ASB5: variants seen among roughly 807,000 people sequenced by gnomAD.
ASB5 encodes the protein ankyrin repeat and SOCS box containing 5.
A neutral mutation model predicts 42.1 loss-of-function variants in ASB5; 45 were observed. The ratio of observed to expected loss-of-function variants is 1.07; its 90% CI spans 0.84 to 1.37. The LOEUF is 1.37. Ranked by LOEUF, ASB5 falls within the 40% of genes most tolerant of loss-of-function variation. The pLI is 0.00. For missense variants in ASB5, 402 were observed against 399.8 expected (o/e 1.01, Z -0.05); for synonymous variants, 147 against 150.6 (o/e 0.98, Z 0.18).
chr4:176,261,883 A>G (rs1208774529), intron 1 of ASB5, among the ~76,000 whole-genome samples: 2 of 151,666 alleles, frequency 1.3e-5, no homozygotes, highest in Non-Finnish European at 2.9e-5. Flanking sequence ...TATATAATAC[A>G]GAAATTATAT....
upstream of ASB5, among the ~76,000 whole-genome samples, chr4:176,270,428 AT>A (rs1553964246): frequency 6.6e-6 from 1 of 152,168 alleles, no homozygotes; most frequent in Non-Finnish European, 1.5e-5. Context: ...GACTGGACAG[AT>A]TTACCTGACA....
intron 1 of ASB5, among the ~76,000 whole-genome samples, chr4:176,234,329 C>T (rs1753629673): frequency 6.6e-6 from 1 of 152,190 alleles, no homozygotes; most frequent in Non-Finnish European, 1.5e-5. Flanking sequence ...ACATACTGGC[C>T]TCCTTGCTTT....
chr4:176,249,127 C>T (rs1333919886), intron 1 of ASB5, among the ~76,000 whole-genome samples: 1 of 152,050 alleles, frequency 6.6e-6, no homozygotes, highest in Non-Finnish European at 1.5e-5. Flanking sequence ...CCACCACACC[C>T]GACTAATTTT....
intron 1 of ASB5, chr4:176,249,683 G>A (rs1054803363): frequency 2.6e-5 from 4 of 152,184 alleles, no homozygotes; most frequent in African/African-American, 7.2e-5. Context: ...GAGAGGATGA[G>A]AAAACATGGA....
chr4:176,235,409 C>A (rs1194772646), intron 1 of ASB5, among the ~76,000 whole-genome samples: 1 of 151,972 alleles, frequency 6.6e-6, no homozygotes, highest in East Asian at 1.9e-4. Flanking sequence ...ATTTTTTAAT[C>A]AAGATACAAT....
chr4:176,222,452 A>T, intron 2 of ASB5, 32 bp from the exon 3 acceptor site: 12 of 1,542,038 alleles, frequency 7.8e-6, no homozygotes, highest in Non-Finnish European at 9.9e-6. Context: ...AAGGTGAGCA[A>T]AGAGTTATAT....
At chr4:176,238,571 A>G (rs1433873821) in intron 1 of ASB5, among the ~76,000 whole-genome samples, 1 of 152,192 alleles carries the variant, frequency 6.6e-6, no homozygotes, top group Non-Finnish European at 1.5e-5. Flanking sequence ...CCAAGGATTA[A>G]CTGAGCTGGT....
At chr4:176,231,068 GGAGA>G (rs1249037439) in intron 1 of ASB5, among the ~76,000 whole-genome samples, 2 of 152,102 alleles carry the variant, frequency 1.3e-5, no homozygotes, top group African/African-American at 4.8e-5. Flanking sequence ...TAATTTACAG[GGAGA>G]GAGCCTGCCC....
At chr4:176,262,078 G>A (rs763911039) in intron 1 of ASB5, among the ~76,000 whole-genome samples, 7 of 151,876 alleles carry the variant, frequency 4.6e-5, no homozygotes, top group Non-Finnish European at 8.8e-5. Context: ...AGCAGTTATG[G>A]CAATGAATAA....
chr4:176,274,441 G>A (rs780468542), intron 2 of ASB5, among the ~76,000 whole-genome samples: 2 of 152,134 alleles, frequency 1.3e-5, no homozygotes, highest in African/African-American at 2.4e-5. Flanking sequence ...TATCCCTTCT[G>A]TACAACAGAT....
At chr4:176,230,396 G>A (rs1753505038) in intron 1 of ASB5, among the ~76,000 whole-genome samples, 1 of 152,096 alleles carries the variant, frequency 6.6e-6, no homozygotes. Flanking sequence ...AACAACTGCT[G>A]TTATATTTTT....
chr4:176,229,608 G>A (rs1325062204), intron 1 of ASB5, among the ~76,000 whole-genome samples: 5 of 151,866 alleles, frequency 3.3e-5, no homozygotes, highest in East Asian at 3.9e-4. Context: ...CCAGGCTGTC[G>A]CTTAGCTTTC....
intron 6 of ASB5, among the ~76,000 whole-genome samples, chr4:176,216,581 C>G (rs1048136419): frequency 3.9e-5 from 6 of 152,132 alleles, no homozygotes; most frequent in Admixed American, 3.9e-4. Flanking sequence ...GATCTCTTGA[C>G]CTTGTGATCC....
chr4:176,235,186 G>A (rs756718383), intron 1 of ASB5, among the ~76,000 whole-genome samples: 13 of 152,128 alleles, frequency 8.5e-5, no homozygotes, highest in Non-Finnish European at 1.5e-4. Flanking sequence ...GTGGAATTGT[G>A]TTTTCTACAT....
At position 176,255,811 on chromosome 4, in the gene ASB5, T is replaced by C. The variant is rs772691142; in HGVS notation, c.196+13102A>G. Among the ~76,000 whole-genome samples, 110 of 152,284 alleles carry C rather than the reference T, an allele frequency of 7.2e-4. 1 individual carries two copies. The highest frequency in any genetic ancestry group is 3.4e-3 in the Middle Eastern group (1 of 294). ...AATTGTAACCCAAACCTCAGCATCA[T>C]ACAACATACCCAGGTAACAAACCTG... On this transcript the variant is annotated intron_variant, in intron 1 of 6. Transcript: ENST00000296525.
chr4:176,270,059 T>C (rs546403573), upstream of ASB5, among the ~76,000 whole-genome samples: 1 of 152,314 alleles, frequency 6.6e-6, no homozygotes, highest in South Asian at 2.1e-4. Context: ...ATGAAATGCA[T>C]CTGTATATAG....
intron 1 of ASB5, chr4:176,237,473 TA>T: frequency 1.0e-6 from 1 of 985,900 alleles, no homozygotes; most frequent in South Asian, 4.7e-5. Context: ...GCAAATGCTC[TA>T]GCAAGAAGAA....
rs545520903 is a variant in ASB5, at chr4:176,213,923, G to C, written c.*1677C>G. On this transcript the variant is annotated 3_prime_UTR_variant, in exon 7 of 7. Transcript: ENST00000296525. ...CCTCTAGCTCAGGGAAAATACTGGT[G>C]GAAACCTGTTTTACCCAAAAGCAGC... 1 of 152,098 alleles carries C rather than the reference G, an allele frequency of 6.6e-6. No homozygotes were observed. Among genetic ancestry groups the C allele is most frequent in the Admixed American group, 6.6e-5 (1 of 15,254 alleles). The allele number at this position is 152,098 out of a possible 1,614,324, so 9.4% of individuals were successfully genotyped here. A position where few individuals can be genotyped will look rare whatever the true frequency, so the allele number is the denominator to read the frequency against.
In ASB5 at chr4:176,241,471, C is replaced by A. The variant is rs1032076886; in HGVS notation, c.197-16130G>T. The A allele has an allele frequency of 9.8e-6, 15 of 1,535,188 alleles. No individual in the cohort carries two copies. The African/African-American group carries it at 1.6e-4, about 17-fold the overall frequency. On this transcript the variant is annotated intron_variant, in intron 1 of 6. Coordinates refer to ENST00000296525, the MANE Select transcript of ASB5 (RefSeq NM_080874.4). ...TAAGGTTTTCTTTTACCTGTTACTG[C>A]CAAATTTCCACCATTGCAAAGAGGC...
Sources: allele counts gnomAD v4.1 joint callset (sites outside exome capture counted in the v4.1 genomes callset), GRCh38; gene constraint gnomAD v4.1.1; transcripts MANE v1.5; gene names NCBI Gene and HGNC (gene_info 2026-07-23, HGNC 2026-07-21).